Variants in RPS6KC1 observed in about 807,000 individuals in gnomAD.
RPS6KC1 encodes inactive ribosomal protein S6 kinase delta-1.
A neutral mutation model predicts 103.8 loss-of-function variants in RPS6KC1; 54 were observed. The ratio of observed to expected loss-of-function variants is 0.52; its 90% CI spans 0.42 to 0.65. The LOEUF (loss-of-function observed/expected upper bound fraction) is 0.65, where lower values mean the gene tolerates loss of function less well. Ranked by LOEUF, RPS6KC1 falls within the 30% of genes least tolerant of loss-of-function variation. The pLI, the probability that RPS6KC1 is intolerant of heterozygous loss-of-function variation, is 0.00. For synonymous variants in RPS6KC1, 439 were observed against 438.7 expected (o/e 1.00, Z -0.01); for missense variants, 1,151 against 1,253.8 (o/e 0.92, Z 1.24).
intron 8 of RPS6KC1, among the ~76,000 whole-genome samples, chr1:213,193,700 A>T (rs1268859869): frequency 6.6e-6 from 1 of 152,044 alleles, no homozygotes; most frequent in Non-Finnish European, 1.5e-5. Flanking sequence ...TGGCGGCAAG[A>T]TCTCGGCTTA....
the RPS6KC1 span, among the ~76,000 whole-genome samples, chr1:213,576,706 C>T: frequency 1.3e-5 from 2 of 152,148 alleles, no homozygotes; most frequent in African/African-American, 2.4e-5. Context: ...TTAACAACCC[C>T]ACAGTGGCAT....
the RPS6KC1 span, among the ~76,000 whole-genome samples, chr1:213,675,889 TTA>T: frequency 6.6e-6 from 1 of 152,020 alleles, no homozygotes; most frequent in Non-Finnish European, 1.5e-5. Context: ...AGAATTTTTT[TTA>T]AAAAAGTATA....
chr1:213,531,844 T>C, the RPS6KC1 span, among the ~76,000 whole-genome samples: 1 of 152,088 alleles, frequency 6.6e-6, no homozygotes, highest in Non-Finnish European at 1.5e-5. Context: ...AGACTAACAT[T>C]AGAGGACAAA....
the RPS6KC1 span, among the ~76,000 whole-genome samples, chr1:213,828,783 C>T: frequency 6.6e-6 from 1 of 152,148 alleles, no homozygotes; most frequent in Non-Finnish European, 1.5e-5. Flanking sequence ...CAGGGTTATT[C>T]TTGCAGCTAC....
chr1:213,072,826 G>A, intron 2 of RPS6KC1: 2 of 336,038 alleles, frequency 6.0e-6, no homozygotes, highest in Non-Finnish European at 8.5e-6. Flanking sequence ...TGCATTGTCT[G>A]ATTGCTGTGC....
At chr1:213,533,272 CTT>C in the RPS6KC1 span, among the ~76,000 whole-genome samples, 4 of 152,070 alleles carry the variant, frequency 2.6e-5, no homozygotes, top group Non-Finnish European at 5.9e-5. Context: ...TGATGACTGA[CTT>C]TGACTGACTT....
chr1:213,297,189 A>T, the RPS6KC1 span, among the ~76,000 whole-genome samples: 1 of 152,332 alleles, frequency 6.6e-6, no homozygotes, highest in South Asian at 2.1e-4. Context: ...AATGAACCAG[A>T]AGTGCCCACG....
chr1:213,363,683 TTTCTTTCTTTCTTTCTTTC>T, the RPS6KC1 span, among the ~76,000 whole-genome samples: 21 of 88,822 alleles, frequency 2.4e-4, 1 homozygote, highest in African/African-American at 1.2e-3. Flanking sequence ...TCTTTCTTTC[TTTCTTTCTTTCTTTCTTTC>T]CTTCTTTCTT....
chr1:213,072,547 C>CA lies in RPS6KC1; in HGVS notation c.141+1521dup, dbSNP rs60376245. ...TGAGCAACAGAGTGAGACTCTGTCT[C>CA]AAAAAAAAAAAAAAATAGATTTAAT... is the stretch of plus-strand genomic sequence containing the variant. On this transcript the variant is annotated intron_variant, in intron 2 of 14. Coordinates refer to ENST00000366960, the MANE Select transcript of RPS6KC1 (RefSeq NM_012424.6). 8.3e-3 allele frequency among the ~76,000 whole-genome samples: 803 copies of CA among 96,190 alleles called. 2 individuals carry two copies. Among genetic ancestry groups the CA allele is most frequent in the Middle Eastern group, 0.042 (6 of 142 alleles). 63.1% of individuals were successfully genotyped at this position (96,190 alleles called of 152,430 possible).
At chr1:213,641,312 C>G in the RPS6KC1 span, among the ~76,000 whole-genome samples, 1 of 152,034 alleles carries the variant, frequency 6.6e-6, no homozygotes, top group East Asian at 1.9e-4. Flanking sequence ...TTGTCATATA[C>G]TGAGTAATTT....
At chr1:213,066,558 C>T (rs1234973566) in intron 1 of RPS6KC1, among the ~76,000 whole-genome samples, 1 of 152,220 alleles carries the variant, frequency 6.6e-6, no homozygotes, top group East Asian at 1.9e-4. Flanking sequence ...GTTACCAAAA[C>T]ACCAGGGGTT....
the RPS6KC1 span, among the ~76,000 whole-genome samples, chr1:213,548,464 C>T: frequency 6.6e-6 from 1 of 152,096 alleles, no homozygotes; most frequent in Non-Finnish European, 1.5e-5. Flanking sequence ...AGATCGAGAC[C>T]ATCCTGGCCA....
chr1:213,426,763 C>T, the RPS6KC1 span, among the ~76,000 whole-genome samples: 2 of 152,042 alleles, frequency 1.3e-5, no homozygotes, highest in East Asian at 1.9e-4. Flanking sequence ...TGTATTCTTT[C>T]GTAGTCAACA....
At chr1:213,428,523 T>C in the RPS6KC1 span, among the ~76,000 whole-genome samples, 1,033 of 38,798 alleles carry the variant, frequency 0.027, 14 homozygotes, top group African/African-American at 0.051. Flanking sequence ...CCTTCCTCTT[T>C]CTCTCTCTCT....
At chr1:213,759,224 G>GTT in the RPS6KC1 span, among the ~76,000 whole-genome samples, 27 of 151,656 alleles carry the variant, frequency 1.8e-4, no homozygotes, top group South Asian at 6.3e-4. Flanking sequence ...ATCATTAGCA[G>GTT]TTTTTTTTTA....
the RPS6KC1 span, among the ~76,000 whole-genome samples, chr1:213,671,078 A>G: frequency 6.6e-6 from 1 of 152,222 alleles, no homozygotes; most frequent in African/African-American, 2.4e-5. Context: ...CAAGCCTTCC[A>G]CAGCACTCGG....
At chr1:213,223,719 G>A (rs369191600) in intron 8 of RPS6KC1, among the ~76,000 whole-genome samples, 1 of 152,124 alleles carries the variant, frequency 6.6e-6, no homozygotes, top group African/African-American at 2.4e-5. Context: ...TCTTTGGGTA[G>A]CTACCCAGTA....
At chr1:213,343,895 C>T in the RPS6KC1 span, among the ~76,000 whole-genome samples, 1,013 of 152,078 alleles carry the variant, frequency 6.7e-3, 10 homozygotes, top group African/African-American at 0.022. Flanking sequence ...CTCCTCACAA[C>T]GCTAATTGCT....
the RPS6KC1 span, among the ~76,000 whole-genome samples, chr1:213,298,026 T>C: frequency 6.6e-6 from 1 of 152,196 alleles, no homozygotes; most frequent in Non-Finnish European, 1.5e-5. Flanking sequence ...AGCACTGCAG[T>C]CCCTGCTTCA....
Sources: allele counts gnomAD v4.1 joint callset (sites outside exome capture counted in the v4.1 genomes callset), GRCh38; gene constraint gnomAD v4.1.1; transcripts MANE v1.5; gene names NCBI Gene and HGNC (gene_info 2026-07-23, HGNC 2026-07-21).